ELMO2: variants seen among roughly 807,000 people sequenced by gnomAD.
ELMO2 encodes the protein engulfment and cell motility protein 2.
In ELMO2, 37 loss-of-function variants were observed where a neutral mutation model predicts 96.2. The ratio of observed to expected loss-of-function variants is 0.38; its 90% CI spans 0.30 to 0.51. The LOEUF (loss-of-function observed/expected upper bound fraction) is 0.51, where lower values mean the gene tolerates loss of function less well. ELMO2 is among the 20% of genes least tolerant of loss of function. The probability of loss-of-function intolerance (pLI) is 0.88; values close to 1 mark genes in which losing one functional copy is unlikely to be tolerated. For synonymous variants in ELMO2, 315 were observed against 329.4 expected (o/e 0.96, Z 0.47); for missense variants, 561 against 912.6 (o/e 0.61, Z 4.96).
chr20:46,381,715 C>T (rs892986860), intron 10 of ELMO2, among the ~76,000 whole-genome samples: 1 of 152,204 alleles, frequency 6.6e-6, no homozygotes, highest in Non-Finnish European at 1.5e-5. Context: ...TATCCCCTTT[C>T]ATCTCCTCGC....
chr20:46,367,927 AG>A (rs529901464), intron 21 of ELMO2, among the ~76,000 whole-genome samples: 1 of 152,220 alleles, frequency 6.6e-6, no homozygotes, highest in Non-Finnish European at 1.5e-5. Context: ...AGACACAAAC[AG>A]AAGTCACTGT....
In ELMO2 at chr20:46,375,680, G is replaced by A; in HGVS notation, c.918C>T (p.Asp306=). 1.2e-6 allele frequency: 2 copies of A among 1,614,116 alleles called. No homozygotes were observed. Among genetic ancestry groups the A allele is most frequent in the South Asian group, 1.1e-5 (1 of 91,086 alleles). Residue 306 remains aspartate, a synonymous_variant, in exon 12 of 22, where the codon GAC becomes GAT. Coordinates refer to ENST00000290246, the MANE Select transcript of ELMO2 (RefSeq NM_133171.5). The surrounding 1 kb of genome is among the most constrained non-coding windows in gnomAD (Gnocchi z 4.6). ...ACTTAGCACCTACCTGGTCATTGGG[G>A]TCCATCTTGGTCATCATCCTTTCTT... is the stretch of plus-strand genomic sequence containing the variant. ...LLEERMMTKM[D]PNDQAQRDII... is the part of the protein sequence containing the mutation.
intron 11 of ELMO2, among the ~76,000 whole-genome samples, chr20:46,379,138 C>A (rs964903302): frequency 2.6e-5 from 4 of 152,088 alleles, no homozygotes; most frequent in Non-Finnish European, 5.9e-5. Context: ...GGATTACAGG[C>A]GCCTATCACC....
chr20:46,396,256 C>T (rs753555415), intron 2 of ELMO2, among the ~76,000 whole-genome samples: 6 of 152,160 alleles, frequency 3.9e-5, no homozygotes, highest in Non-Finnish European at 8.8e-5. Context: ...CTAGGGGTGG[C>T]GCCATCAATC....
At chr20:46,373,580 A>C (rs1008819906) in intron 15 of ELMO2, 45 bp from the exon 16 acceptor site, 2 of 1,606,984 alleles carry the variant, frequency 1.2e-6, no homozygotes, top group Admixed American at 3.4e-5. Flanking sequence ...CTCTGTCCAC[A>C]AGGGCCTGGG....
chr20:46,370,594 G>A (rs1030640031), intron 19 of ELMO2, 69 bp from the exon 20 acceptor site: 2 of 1,446,048 alleles, frequency 1.4e-6, no homozygotes, highest in African/African-American at 2.8e-5. Flanking sequence ...CATCAGTGCT[G>A]GAAGGGAGGT....
At chr20:46,404,508 A>G (rs1014366289) in intron 1 of ELMO2, among the ~76,000 whole-genome samples, 1 of 152,226 alleles carries the variant, frequency 6.6e-6, no homozygotes, top group African/African-American at 2.4e-5. Flanking sequence ...AAACTCTAGA[A>G]TTATCCCCGG....
chr20:46,397,682 CACAT>C (rs1365571840), intron 2 of ELMO2, among the ~76,000 whole-genome samples: 1 of 152,082 alleles, frequency 6.6e-6, no homozygotes, highest in East Asian at 1.9e-4. Flanking sequence ...AATAAATACA[CACAT>C]ACATACATAC....
At chr20:46,405,909 G>A (rs1387209764) in intron 1 of ELMO2, among the ~76,000 whole-genome samples, 2 of 152,164 alleles carry the variant, frequency 1.3e-5, no homozygotes, top group Non-Finnish European at 2.9e-5. Flanking sequence ...AAAAAGGAAA[G>A]GTTTCTCTGG....
intron 1 of ELMO2, among the ~76,000 whole-genome samples, chr20:46,401,940 C>A (rs1033940170): frequency 1.3e-5 from 2 of 152,152 alleles, no homozygotes; most frequent in African/African-American, 4.8e-5. Flanking sequence ...GCAGTCTCTT[C>A]CCTGGCTACG....
Position 46,371,200 on chromosome 20 carries a change from G to T in ELMO2, c.1801+152C>A. On this transcript the variant is annotated intron_variant, in intron 19 of 21. Coordinates refer to ENST00000290246, the MANE Select transcript of ELMO2 (RefSeq NM_133171.5). The surrounding 1 kb of genome is among the most constrained non-coding windows in gnomAD (Gnocchi z 5.9). ...TTCTCCAAACCACCCCACCGAGTAG[G>T]CCAGGTAGAGGAAATCGCTGACAGA... 2 of 718,152 alleles carry T rather than the reference G, an allele frequency of 2.8e-6. No homozygotes were observed. The highest frequency in any genetic ancestry group is 2.7e-5 in the East Asian group (1 of 37,002). The allele number at this position is 718,152 out of a possible 1,614,324, so 44.5% of individuals were successfully genotyped here.
intron 21 of ELMO2, among the ~76,000 whole-genome samples, chr20:46,368,551 A>G (rs2145749667): frequency 6.6e-6 from 1 of 152,304 alleles, no homozygotes; most frequent in Middle Eastern, 3.4e-3. Flanking sequence ...ATGACAACCT[A>G]TGGCTGCTGC....
intron 1 of ELMO2, among the ~76,000 whole-genome samples, chr20:46,405,080 T>C (rs949890950): frequency 3.9e-5 from 6 of 152,310 alleles, no homozygotes; most frequent in African/African-American, 1.4e-4. Flanking sequence ...CCTGGCCCTG[T>C]GTGAGATGCT....
Position 46,398,703 on chromosome 20 carries a change from G to A in ELMO2, c.-57C>T, listed in dbSNP as rs749694259. ...CTCTGAAAAACATTCCTACCTTACA[G>A]GTAAGGCAACTGAAGTTCAGACGGA... On this transcript the variant is annotated 5_prime_UTR_variant, in exon 2 of 22. Coordinates refer to ENST00000290246, the MANE Select transcript of ELMO2 (RefSeq NM_133171.5). The A allele has an allele frequency of 6.6e-6, 1 of 152,092 alleles. No homozygotes were observed. Among genetic ancestry groups the A allele is most frequent in the Non-Finnish European group, 1.5e-5 (1 of 68,016 alleles). 9.4% of individuals were successfully genotyped at this position (152,092 alleles called of 1,614,324 possible).
chr20:46,367,610 G>T, intron 21 of ELMO2, 50 bp from the exon 22 acceptor site: 1 of 1,496,064 alleles, frequency 6.7e-7, no homozygotes, highest in South Asian at 1.3e-5. Context: ...TGGTCAGCAG[G>T]AGATCCTGCC....
chr20:46,392,992 T>C (rs2060177957), intron 6 of ELMO2, 101 bp downstream of exon 6: 1 of 1,051,362 alleles, frequency 9.5e-7, no homozygotes, highest in Non-Finnish European at 1.4e-6. Flanking sequence ...CTGACTTTCT[T>C]ATCTCCAGAG....
intron 10 of ELMO2, among the ~76,000 whole-genome samples, chr20:46,381,164 G>A (rs554151541): frequency 1.6e-4 from 25 of 152,322 alleles, no homozygotes; most frequent in African/African-American, 5.8e-4. Context: ...ACCCTGAGGA[G>A]CTACTGAGAT....
intron 5 of ELMO2, 81 bp from the exon 6 acceptor site, chr20:46,393,224 T>C: frequency 7.2e-7 from 1 of 1,393,912 alleles, no homozygotes; most frequent in Non-Finnish European, 1.0e-6. Flanking sequence ...AACAATAATG[T>C]TTTGTCTTTT....
intron 5 of ELMO2, 113 bp from the exon 6 acceptor site, chr20:46,393,256 A>G (rs925133516): frequency 1.8e-6 from 2 of 1,108,336 alleles, no homozygotes; most frequent in South Asian, 1.3e-5. Context: ...GTAACTGAGG[A>G]TCTTCAGTCG....
Sources: allele counts gnomAD v4.1 joint callset (sites outside exome capture counted in the v4.1 genomes callset), GRCh38; gene constraint gnomAD v4.1.1; non-coding constraint Gnocchi (gnomAD v3.1); transcripts MANE v1.5; gene names NCBI Gene and HGNC (gene_info 2026-07-23, HGNC 2026-07-21).